The following DRC8 variants were observed in gnomAD, a reference collection of about 807,000 sequenced individuals.
DRC8 encodes the protein dynein regulatory complex subunit 8, also known as dynein regulatory complex protein 8.
At chr1:244,985,226 C>T in the DRC8 span, among the ~76,000 whole-genome samples, 2 of 152,122 alleles carry the variant, frequency 1.3e-5, no homozygotes, top group African/African-American at 4.8e-5. Context: ...TTCCTTATCC[C>T]AGACTTCATT....
the DRC8 span, among the ~76,000 whole-genome samples, chr1:245,101,701 A>G: frequency 6.6e-6 from 1 of 152,220 alleles, no homozygotes; most frequent in Non-Finnish European, 1.5e-5. Context: ...GATACATAAT[A>G]GATGTACATG....
At chr1:245,119,344 G>GT in the DRC8 span, among the ~76,000 whole-genome samples, 43,408 of 147,688 alleles carry the variant, frequency 0.29, 6,730 homozygotes, top group African/African-American at 0.39. Flanking sequence ...AAATTGGAGA[G>GT]TTTTTTTTTT....
chr1:245,060,527 A>G, the DRC8 span, among the ~76,000 whole-genome samples: 2 of 152,346 alleles, frequency 1.3e-5, no homozygotes, highest in South Asian at 2.1e-4. Flanking sequence ...TTGGGATTCA[A>G]TAAAGCTATT....
At chr1:244,970,689 C>G in the DRC8 span, 1 of 498,098 alleles carries the variant, frequency 2.0e-6, no homozygotes, top group South Asian at 2.7e-5. Flanking sequence ...GCCTCTCTCC[C>G]CTCTTCCCTC....
the DRC8 span, among the ~76,000 whole-genome samples, chr1:245,080,156 G>T: frequency 6.6e-6 from 1 of 152,150 alleles, no homozygotes; most frequent in Non-Finnish European, 1.5e-5. Flanking sequence ...GTTTGTTTTT[G>T]CTCGAAGAAT....
At chr1:245,098,196 A>G in the DRC8 span, among the ~76,000 whole-genome samples, 3 of 152,180 alleles carry the variant, frequency 2.0e-5, no homozygotes, top group East Asian at 5.8e-4. Context: ...CTCAGCAACG[A>G]CATACTATTC....
the DRC8 span, among the ~76,000 whole-genome samples, chr1:245,118,802 AAAGAAAAGAAAAG>A: frequency 2.7e-5 from 2 of 74,480 alleles, no homozygotes; most frequent in African/African-American, 1.5e-4. Context: ...CAAAAAAAGA[AAAGAAAAGAAAAG>A]AAAAGAAAAG....
chr1:244,974,998 T>C, the DRC8 span, among the ~76,000 whole-genome samples: 1 of 152,158 alleles, frequency 6.6e-6, no homozygotes, highest in South Asian at 2.1e-4. Context: ...TGGCACGATC[T>C]TGGCTCACTG....
chr1:245,025,383 A>C, the DRC8 span, among the ~76,000 whole-genome samples: 1 of 152,108 alleles, frequency 6.6e-6, no homozygotes, highest in Non-Finnish European at 1.5e-5. Context: ...CCCTCTTTTT[A>C]TTTCATTTTC....
chr1:244,994,674 G>A, the DRC8 span, among the ~76,000 whole-genome samples: 2 of 151,834 alleles, frequency 1.3e-5, no homozygotes, highest in African/African-American at 4.8e-5. Context: ...GTGATCTGCC[G>A]GCCTCAGCCT....
At chr1:245,056,255 G>A in the DRC8 span, among the ~76,000 whole-genome samples, 16 of 152,256 alleles carry the variant, frequency 1.1e-4, no homozygotes, top group East Asian at 1.4e-3. Flanking sequence ...CTCAAGTACC[G>A]TATGTGAGAT....
chr1:245,110,514 T>G, the DRC8 span, among the ~76,000 whole-genome samples: 1 of 152,242 alleles, frequency 6.6e-6, no homozygotes, highest in East Asian at 1.9e-4. Flanking sequence ...TAGTTTTGAC[T>G]TTTCTGGGCA....
chr1:244,994,705 G>A, the DRC8 span, among the ~76,000 whole-genome samples: 1 of 152,182 alleles, frequency 6.6e-6, no homozygotes, highest in Non-Finnish European at 1.5e-5. Context: ...TGGGATTACA[G>A]GTGTGAGCCC....
At chr1:245,022,709 A>G in the DRC8 span, among the ~76,000 whole-genome samples, 3 of 151,924 alleles carry the variant, frequency 2.0e-5, no homozygotes, top group African/African-American at 2.4e-5. Flanking sequence ...ATGCATGTGC[A>G]TGTGCGTGTG....
the DRC8 span, among the ~76,000 whole-genome samples, chr1:245,061,707 A>G: frequency 6.6e-6 from 1 of 152,250 alleles, no homozygotes; most frequent in African/African-American, 2.4e-5. Context: ...AGAAAATCAA[A>G]GCCCCGTAAA....
the DRC8 span, among the ~76,000 whole-genome samples, chr1:244,975,890 A>T: frequency 1.3e-5 from 2 of 152,040 alleles, no homozygotes; most frequent in African/African-American, 4.8e-5. Flanking sequence ...TAAAAAATAC[A>T]ATAAAGGAAT....
At chr1:245,031,940 G>C in the DRC8 span, among the ~76,000 whole-genome samples, 4 of 152,214 alleles carry the variant, frequency 2.6e-5, no homozygotes, top group African/African-American at 9.6e-5. Context: ...GAGAGTTCCA[G>C]AGTATTCTGA....
At chr1:244,986,483 G>A in the DRC8 span, among the ~76,000 whole-genome samples, 1 of 152,238 alleles carries the variant, frequency 6.6e-6, no homozygotes, top group Non-Finnish European at 1.5e-5. Flanking sequence ...TCTTTGTGAA[G>A]ACCAGGTCAG....
chr1:245,057,250 A>G, the DRC8 span, among the ~76,000 whole-genome samples: 1 of 152,192 alleles, frequency 6.6e-6, no homozygotes, highest in Admixed American at 6.5e-5. Context: ...AAAACATGTA[A>G]GGAGGCAGCT....
Sources: allele counts gnomAD v4.1 joint callset (sites outside exome capture counted in the v4.1 genomes callset), GRCh38; gene constraint gnomAD v4.1.1; transcripts MANE v1.5; gene names NCBI Gene and HGNC (gene_info 2026-07-23, HGNC 2026-07-21).